Variants in MTMR2 observed in about 807,000 individuals in gnomAD.
MTMR2 encodes myotubularin related protein 2, also known as phosphatidylinositol-3,5-bisphosphate 3-phosphatase MTMR2.
Under a neutral mutation model 86.9 loss-of-function variants are expected in MTMR2, and 55 were observed. The ratio of observed to expected loss-of-function variants is 0.63; its 90% confidence interval spans 0.51 to 0.79. The LOEUF is 0.79. MTMR2 is among the 30% of genes least tolerant of loss of function. The probability of loss-of-function intolerance (pLI) is 0.00; values close to 1 mark genes in which losing one functional copy is unlikely to be tolerated. For missense variants in MTMR2, 659 were observed against 772.3 expected, an observed-to-expected ratio of 0.85 and a Z score of 1.74; for synonymous variants, 241 against 266.8, an observed-to-expected ratio of 0.90 and a Z score of 0.94.
chr11:95,918,010 C>T (rs569357991), intron 1 of MTMR2, among the ~76,000 whole-genome samples: 1 of 152,210 alleles, frequency 6.6e-6, no homozygotes, highest in East Asian at 1.9e-4. Flanking sequence ...AGAAAAATGC[C>T]TTAGGAAATT....
At chr11:95,854,500 C>G (rs1162620132) in intron 7 of MTMR2, among the ~76,000 whole-genome samples, 1 of 152,178 alleles carries the variant, frequency 6.6e-6, no homozygotes, top group African/African-American at 2.4e-5. Flanking sequence ...GGTCTCTGCA[C>G]TCTTCACCAG....
chr11:95,881,205 T>A (rs1252078800), intron 2 of MTMR2, among the ~76,000 whole-genome samples: 2 of 152,054 alleles, frequency 1.3e-5, no homozygotes, highest in Non-Finnish European at 2.9e-5. Flanking sequence ...TTGTTATACA[T>A]CTGTCATATA....
intron 9 of MTMR2, among the ~76,000 whole-genome samples, chr11:95,848,772 AGTT>A (rs1324262969): frequency 6.6e-6 from 1 of 152,234 alleles, no homozygotes; most frequent in Non-Finnish European, 1.5e-5. Context: ...AAAGAACAGA[AGTT>A]CAGCTTCCTT....
chr11:95,880,540 A>C (rs368275135), intron 2 of MTMR2, among the ~76,000 whole-genome samples: 3 of 152,186 alleles, frequency 2.0e-5, no homozygotes, highest in African/African-American at 7.2e-5. Flanking sequence ...TGGCTGTTTC[A>C]GCACTGTATG....
Position 95,865,606 on chromosome 11 carries a change from T to C in MTMR2, c.257A>G (p.Asp86Gly). The C allele has an allele frequency of 6.2e-7, 1 of 1,613,348 alleles. No homozygotes were observed. The highest frequency in any genetic ancestry group is 8.5e-7 in the Non-Finnish European group (1 of 1,179,320). Residue 86 changes from aspartate to glycine, a missense_variant, in exon 3 of 15, where the codon GAC becomes GGC. Asp to Gly is a moderately conservative substitution (Grantham distance 94, BLOSUM62 -1). Coordinates refer to ENST00000346299, the MANE Select transcript of MTMR2 (RefSeq NM_016156.6). The part of the protein sequence containing the change: ...PPLLPGENIK[D>G]MAKDVTYICP... ...CAAAAAATACCATTACGGACCCATGTCTTTAATATTTTCTCCTGGAAGCAA... is the reference window on the plus strand; with the variant it reads ...CAAAAAATACCATTACGGACCCATGCCTTTAATATTTTCTCCTGGAAGCAA...
At chr11:95,863,266 CG>C (rs1864488861) in intron 3 of MTMR2, among the ~76,000 whole-genome samples, 1 of 152,096 alleles carries the variant, frequency 6.6e-6, no homozygotes. Flanking sequence ...ACCCTTTCAA[CG>C]GGCTTCTGGG....
At position 95,888,159 on chromosome 11, in the gene MTMR2, C is replaced by A; in HGVS notation, c.183G>T (p.Leu61Phe). The change falls in exon 2 of 15, where the codon TTG (leucine) becomes TTT (phenylalanine). Residue 61 changes from leucine (L) to phenylalanine (F), a missense_variant. By Grantham distance (22) the Leu-to-Phe change is conservative. Transcript: ENST00000346299. ...STSADNFSPD[L>F]RVLRESNKLA... ...AACTTTAAAATAGTATACATACCCTCAAATCAGGAGAAAAGTTGTCGGCAG... is the reference window on the plus strand; with the variant it reads ...AACTTTAAAATAGTATACATACCCTAAAATCAGGAGAAAAGTTGTCGGCAG... The A allele has an allele frequency of 6.2e-7, 1 of 1,608,370 alleles. No individual in the cohort carries two copies. The highest frequency in any genetic ancestry group is 1.1e-5 in the South Asian group (1 of 90,944).
At chr11:95,874,623 T>G (rs1280265695) in intron 2 of MTMR2, among the ~76,000 whole-genome samples, 1 of 152,214 alleles carries the variant, frequency 6.6e-6, no homozygotes, top group Non-Finnish European at 1.5e-5. Flanking sequence ...ATGTGTGAAT[T>G]TGATCCTGTC....
intron 1 of MTMR2, among the ~76,000 whole-genome samples, chr11:95,915,315 T>G (rs1041318350): frequency 6.6e-5 from 10 of 152,144 alleles, no homozygotes; most frequent in African/African-American, 1.9e-4. Flanking sequence ...ACTGCTCATT[T>G]GCTGCTATCA....
At chr11:95,922,654 A>G (rs1421337201) in intron 1 of MTMR2, among the ~76,000 whole-genome samples, 6 of 152,162 alleles carry the variant, frequency 3.9e-5, no homozygotes, top group Admixed American at 3.9e-4. Context: ...CCTCAAGTAT[A>G]ATAGCTTATA....
At chr11:95,884,269 T>C (rs145458662) in intron 2 of MTMR2, among the ~76,000 whole-genome samples, 2 of 152,342 alleles carry the variant, frequency 1.3e-5, no homozygotes, top group South Asian at 2.1e-4. Context: ...AATTTTATTA[T>C]AAAACTCTCC....
At chr11:95,914,661 T>G (rs1866634747) in intron 1 of MTMR2, among the ~76,000 whole-genome samples, 2 of 152,166 alleles carry the variant, frequency 1.3e-5, no homozygotes, top group South Asian at 4.1e-4. Context: ...ATACTGTATC[T>G]TTATCCTTCT....
chr11:95,836,050 G>A, intron 14 of MTMR2, 98 bp downstream of exon 14: 1 of 1,236,012 alleles, frequency 8.1e-7, no homozygotes, highest in Non-Finnish European at 1.2e-6. Flanking sequence ...AAGGAGTAAA[G>A]TTTTAAATAT....
chr11:95,843,080 CTT>C (rs34245491), intron 11 of MTMR2, among the ~76,000 whole-genome samples: 15 of 145,830 alleles, frequency 1.0e-4, no homozygotes, highest in East Asian at 4.0e-4. Context: ...GACTTAAAGA[CTT>C]TTTTTTTTTG....
chr11:95,862,223 C>G lies in MTMR2; in HGVS notation c.357+49G>C, dbSNP rs193209339. 11,054 of 1,569,416 alleles carry G rather than the reference C, an allele frequency of 7.0e-3. 53 individuals carry two copies. Among genetic ancestry groups the G allele is most frequent in the Non-Finnish European group, 8.1e-3 (9,205 of 1,140,374 alleles). Reference sequence around the variant, plus strand: ...AATGATCAGAAATGAACAAAACTAGCTACAAACAACACACTCATGTACATA... The same window carrying G: ...AATGATCAGAAATGAACAAAACTAGGTACAAACAACACACTCATGTACATA... On this transcript the variant is annotated intron_variant, in intron 4 of 14. Transcript: ENST00000346299.
At chr11:95,864,496 T>TCCTATG (rs1864536633) in intron 3 of MTMR2, among the ~76,000 whole-genome samples, 1 of 152,170 alleles carries the variant, frequency 6.6e-6, no homozygotes, top group Admixed American at 6.6e-5. Context: ...TGCCTTAGTT[T>TCCTATG]CCTTCCTCAC....
At chr11:95,908,611 G>A (rs523934) in intron 1 of MTMR2, among the ~76,000 whole-genome samples, 54,128 of 151,756 alleles carry the variant, frequency 0.36, 10,098 homozygotes, top group Non-Finnish European at 0.4. Flanking sequence ...CTACAATAAC[G>A]AAAACAGCAT....
Position 95,834,997 on chromosome 11 carries a change from C to A in MTMR2, c.*293G>T. ...ACCAGATGCCAAAAATTTGTAACAG[C>A]ATTTGCCTTTTAATAGAAACTTGTT... On this transcript the variant is annotated 3_prime_UTR_variant, in exon 15 of 15. Transcript: ENST00000346299. 2.6e-6 allele frequency: 1 copy of A among 387,448 alleles called. No individual in the cohort carries two copies. Among genetic ancestry groups the A allele is most frequent in the Admixed American group, 3.7e-5 (1 of 26,966 alleles). 24.0% of individuals were successfully genotyped at this position (387,448 alleles called of 1,614,324 possible).
At chr11:95,891,806 G>A (rs979062297) in intron 1 of MTMR2, among the ~76,000 whole-genome samples, 6 of 151,868 alleles carry the variant, frequency 4.0e-5, no homozygotes, top group African/African-American at 7.3e-5. Context: ...TTGTGATTAC[G>A]GCAGAAACAC....
Sources: gnomAD v4.1 joint callset for allele counts (sites outside exome capture counted in the v4.1 genomes callset) on GRCh38, gnomAD v4.1.1 for gene constraint, MANE v1.5 for transcripts, NCBI Gene and HGNC (gene_info 2026-07-23, HGNC 2026-07-21) for gene names.